RGL1: variants seen among roughly 807,000 people sequenced by gnomAD.
The protein encoded by RGL1 is ral guanine nucleotide dissociation stimulator-like 1.
RGL1 carries 24 observed loss-of-function variants against 95.2 expected under a neutral mutation model. The observed-to-expected ratio is 0.25, with a 90% confidence interval of 0.18 to 0.35. The LOEUF is 0.35. RGL1 is among the 10% of genes least tolerant of loss of function. RGL1 has a pLI of 1.00. For synonymous variants in RGL1, 329 were observed against 344.9 expected (o/e 0.95, Z 0.51); for missense variants, 715 against 936.3 (o/e 0.76, Z 3.08).
chr1:183,770,885 T>C (rs1174366592), intron 2 of RGL1, among the ~76,000 whole-genome samples: 1 of 152,178 alleles, frequency 6.6e-6, no homozygotes, highest in Non-Finnish European at 1.5e-5. Context: ...ACCATAAAGA[T>C]CAGTTCTATG....
intron 1 of RGL1, among the ~76,000 whole-genome samples, chr1:183,645,843 G>C (rs538859883): frequency 6.6e-6 from 1 of 152,310 alleles, no homozygotes; most frequent in South Asian, 2.1e-4. Flanking sequence ...GTCTAAGGTT[G>C]GCCTGGACTT....
intron 2 of RGL1, among the ~76,000 whole-genome samples, chr1:183,797,055 C>T (rs140750568): frequency 3.3e-5 from 5 of 152,214 alleles, no homozygotes; most frequent in African/African-American, 9.6e-5. Context: ...ATTGGCCGGG[C>T]ACGGTGGCTC....
intron 17 of RGL1, among the ~76,000 whole-genome samples, chr1:183,925,196 C>T (rs1369764081): frequency 6.6e-6 from 1 of 152,182 alleles, no homozygotes; most frequent in Admixed American, 6.5e-5. Context: ...CCTATCCTGA[C>T]AGTCACTGTC....
intron 3 of RGL1, among the ~76,000 whole-genome samples, chr1:183,865,149 T>C (rs2102591228): frequency 6.6e-6 from 1 of 152,354 alleles, no homozygotes; most frequent in African/African-American, 2.4e-5. Context: ...GTGCGTTTAC[T>C]AAGTTTACAT....
intron 1 of RGL1, among the ~76,000 whole-genome samples, chr1:183,658,254 G>A (rs1651331471): frequency 6.6e-6 from 1 of 152,196 alleles, no homozygotes; most frequent in Admixed American, 6.5e-5. Flanking sequence ...GCAGGGCGAG[G>A]CATTGCCTCA....
rs974265420 is a variant in RGL1, at chr1:183,780,846, G to A, written c.133-25529G>A. Among the ~76,000 whole-genome samples, 5 of 152,210 alleles carry A rather than the reference G, an allele frequency of 3.3e-5. 1 individual carries two copies. The South Asian group carries it at 1.0e-3, about 31-fold the overall frequency. ...CTGCAGTTCAAGACTGTACACAAGA[G>A]TAAAAGACATTTTTCCTTTCCCAGG... On this transcript the variant is annotated intron_variant, in intron 2 of 18. Transcript: ENST00000304685.
chr1:183,883,659 T>C (rs776377479), intron 5 of RGL1, 127 bp from the exon 6 acceptor site: 5 of 935,310 alleles, frequency 5.3e-6, no homozygotes, highest in Non-Finnish European at 8.2e-6. Flanking sequence ...TGCTTGTGGT[T>C]GTCTCCCTGT....
intron 2 of RGL1, among the ~76,000 whole-genome samples, chr1:183,816,755 T>C (rs1469889480): frequency 1.3e-5 from 2 of 152,224 alleles, no homozygotes; most frequent in African/African-American, 4.8e-5. Flanking sequence ...AGTCTTGCCT[T>C]TCTTCCTTCA....
intron 4 of RGL1, among the ~76,000 whole-genome samples, chr1:183,872,551 C>T (rs536626916): frequency 9.2e-5 from 14 of 152,206 alleles, no homozygotes; most frequent in South Asian, 8.3e-4. Flanking sequence ...TCAGAAGATA[C>T]GTATATTGTT....
intron 2 of RGL1, among the ~76,000 whole-genome samples, chr1:183,751,216 C>T (rs1208061007): frequency 1.3e-5 from 2 of 152,232 alleles, no homozygotes; most frequent in African/African-American, 2.4e-5. Context: ...TTTTTCTATA[C>T]ACCCCTGACT....
chr1:183,837,328 G>A (rs945427678), intron 2 of RGL1, among the ~76,000 whole-genome samples: 4 of 152,178 alleles, frequency 2.6e-5, no homozygotes, highest in African/African-American at 9.7e-5. Flanking sequence ...TACAGACAGA[G>A]ATTGGTTGGG....
chr1:183,808,865 G>C (rs1156343752), intron 2 of RGL1, among the ~76,000 whole-genome samples: 2 of 151,924 alleles, frequency 1.3e-5, no homozygotes, highest in African/African-American at 4.8e-5. Context: ...AAATCCAGAT[G>C]GTTGGCTCTT....
At chr1:183,819,110 T>G (rs948894599) in intron 2 of RGL1, among the ~76,000 whole-genome samples, 1 of 152,224 alleles carries the variant, frequency 6.6e-6, no homozygotes, top group African/African-American at 2.4e-5. Context: ...GTTATTCTAC[T>G]TAGGATTTTC....
intron 2 of RGL1, among the ~76,000 whole-genome samples, chr1:183,785,829 A>T (rs377424559): frequency 6.6e-6 from 1 of 152,206 alleles, no homozygotes; most frequent in African/African-American, 2.4e-5. Flanking sequence ...TTACACCTGT[A>T]ATCCTAACAC....
intron 2 of RGL1, among the ~76,000 whole-genome samples, chr1:183,783,284 G>A (rs74908384): frequency 0.012 from 1,889 of 152,152 alleles, 48 homozygotes; most frequent in African/African-American, 0.044. Flanking sequence ...CAAATAGACA[G>A]GCAAAGGGAA....
chr1:183,819,010 T>C (rs1662272780), intron 2 of RGL1, among the ~76,000 whole-genome samples: 1 of 152,324 alleles, frequency 6.6e-6, no homozygotes, highest in Non-Finnish European at 1.5e-5. Context: ...GAATTTAGAG[T>C]TAATCCATAT....
At chr1:183,639,001 T>C (rs2101969061) in intron 1 of RGL1, among the ~76,000 whole-genome samples, 1 of 152,298 alleles carries the variant, frequency 6.6e-6, no homozygotes, top group East Asian at 1.9e-4. Context: ...GAATCCTGGC[T>C]GGGCGTGGTG....
rs566601606 is a variant in RGL1, at chr1:183,792,963, G to A, written c.133-13412G>A. 1.4e-3 allele frequency among the ~76,000 whole-genome samples: 210 copies of A among 152,144 alleles called. 1 individual carries two copies. Among genetic ancestry groups the A allele is most frequent in the Non-Finnish European group, 1.4e-3 (92 of 67,936 alleles). ...GAAAAAACAGTCCTAAAATTTGTAT[G>A]TAACAACAAAAGAGCCAGAATAGCC... On this transcript the variant is annotated intron_variant, in intron 2 of 18. Coordinates refer to the RGL1 transcript ENST00000304685.
At chr1:183,855,812 T>C (rs1041859818) in intron 3 of RGL1, among the ~76,000 whole-genome samples, 2 of 152,228 alleles carry the variant, frequency 1.3e-5, no homozygotes, top group African/African-American at 4.8e-5. Flanking sequence ...ACTCATAATT[T>C]GATTTTTTTC....
Sources: gnomAD v4.1 joint callset for allele counts (sites outside exome capture counted in the v4.1 genomes callset) on GRCh38, gnomAD v4.1.1 for gene constraint, MANE v1.5 for transcripts, NCBI Gene and HGNC (gene_info 2026-07-23, HGNC 2026-07-21) for gene names.